Variants in MYO1A observed in about 807,000 individuals in gnomAD.
The protein encoded by MYO1A is myosin IA.
A neutral mutation model predicts 138.5 loss-of-function variants in MYO1A; 127 were observed. That is an observed-to-expected ratio of 0.92 (90% confidence interval 0.79 to 1.06). The LOEUF is 1.06. Among genes scored for constraint, MYO1A ranks in the 50% least tolerant of loss-of-function variants. The pLI, the probability that MYO1A is intolerant of heterozygous loss-of-function variation, is 0.00. For synonymous variants in MYO1A, 477 were observed against 497.5 expected, an observed-to-expected ratio of 0.96 and a Z score of 0.55; for missense variants, 1,211 against 1,288.8, an observed-to-expected ratio of 0.94 and a Z score of 0.92.
chr12:57,043,861 C>T lies in MYO1A; in HGVS notation c.887G>A (p.Gly296Glu). The part of the protein sequence containing the change: ...SGIPASGIRD[G>E]RGVREIGEMV... ...CAGCAGGCTGGGATGCAGACCTCTC[C>T]CATCACGGATGCCACTTGCTGGTAT... Residue 296 changes from glycine (G) to glutamate (E), a missense_variant, in exon 10 of 28, where the codon GGG becomes GAG. Coordinates refer to ENST00000300119, the MANE Select transcript of MYO1A (RefSeq NM_005379.4). The T allele has an allele frequency of 1.9e-6, 3 of 1,614,064 alleles. No individual in the cohort carries two copies. In the African/African-American group the frequency reaches 4.0e-5, roughly 22 times the overall value.
In MYO1A at chr12:57,044,005, T is replaced by C. The variant is rs760003931; in HGVS notation, c.745-2A>G. The C allele has an allele frequency of 1.2e-6, 2 of 1,614,058 alleles. No individual in the cohort carries two copies. Among genetic ancestry groups the C allele is most frequent in the Admixed American group, 1.7e-5 (1 of 60,008 alleles). ...GAACCCAATCACTGCCATTGCACTC[T>C]TAGGCAGAAAGCAGAAATCAAAAGC... On this transcript the variant is annotated splice_acceptor_variant, in intron 9 of 27. Transcript: ENST00000300119. LOFTEE classifies it high-confidence loss of function.
intron 14 of MYO1A, 77 bp from the exon 15 acceptor site, chr12:57,039,351 C>T: frequency 9.1e-7 from 1 of 1,103,616 alleles, no homozygotes; most frequent in Non-Finnish European, 1.4e-6. Context: ...TCTAGCCTTT[C>T]ACCCACCCAA....
At chr12:57,039,721 C>T (rs1024745121) in intron 14 of MYO1A, among the ~76,000 whole-genome samples, 2 of 152,212 alleles carry the variant, frequency 1.3e-5, no homozygotes, top group Admixed American at 6.5e-5. Flanking sequence ...CAAAGATCTA[C>T]ATCAGTGATT....
Position 57,038,485 on chromosome 12 carries a change from C to G in MYO1A, c.1687G>C (p.Ala563Pro). The G allele has an allele frequency of 6.2e-7, 1 of 1,614,206 alleles. No homozygotes were observed. Among genetic ancestry groups the G allele is most frequent in the Non-Finnish European group, 8.5e-7 (1 of 1,180,038 alleles). ...ACAGAACTCTTGAACTGGGCCCCAG[C>G]AGTCGGGGGGCGTTTGAGAGATGCC... is the stretch of plus-strand genomic sequence containing the variant. ...KQASLKRPPTAGAQFKSSVAI... is the reference protein window; with the variant it reads ...KQASLKRPPTPGAQFKSSVAI... The change falls in exon 17 of 28, where the codon GCT becomes CCT. Residue 563 changes from alanine (A) to proline (P), a missense_variant. Ala to Pro is a conservative substitution (Grantham distance 27). Transcript: ENST00000300119.
Position 57,048,044 on chromosome 12 carries a change from G to A in MYO1A, c.175C>T (p.Pro59Ser). ...TCTTGATATTTGGCAATGAACTCTG[G>A]CCCATAGATGGGAAGCTGTTGATAG... ...NPYQQLPIYG[P>S]EFIAKYQDYT... Residue 59 changes from proline (P) to serine (S), a missense_variant, in exon 3 of 28, where the codon CCA becomes TCA. Physicochemically the swap from Pro to Ser is moderately conservative, Grantham distance 74 (BLOSUM62 -1). Coordinates refer to ENST00000300119, the MANE Select transcript of MYO1A (RefSeq NM_005379.4). The A allele has an allele frequency of 3.1e-6, 5 of 1,614,198 alleles. No homozygotes were observed. Among genetic ancestry groups the A allele is most frequent in the Non-Finnish European group, 4.2e-6 (5 of 1,180,020 alleles).
chr12:57,047,156 G>A (rs1025316018), intron 5 of MYO1A, 49 bp from the exon 6 acceptor site: 3 of 1,608,606 alleles, frequency 1.9e-6, no homozygotes, highest in Non-Finnish European at 2.6e-6. Flanking sequence ...AGGGAAAGGA[G>A]GAAGGGCTTC....
At chr12:57,035,103 G>A (rs1024243730) in intron 22 of MYO1A, among the ~76,000 whole-genome samples, 2 of 152,204 alleles carry the variant, frequency 1.3e-5, no homozygotes, top group African/African-American at 2.4e-5. Flanking sequence ...AGGCTTCTGT[G>A]GGGGTGTGAT....
Position 57,028,823 on chromosome 12 carries a change from C to A in MYO1A, c.3064G>T (p.Gly1022Cys). The A allele has an allele frequency of 6.2e-7, 1 of 1,614,116 alleles. No individual in the cohort carries two copies. The highest frequency in any genetic ancestry group is 8.5e-7 in the Non-Finnish European group (1 of 1,180,012). Residue 1022 changes from glycine to cysteine, a missense_variant, in exon 28 of 28, where the codon GGT (glycine) becomes TGT (cysteine). Gly to Cys is a radical substitution (Grantham distance 159). Transcript: ENST00000300119. ...VAVKVVQGPAGGDNSKLRYKK... is the reference protein window; with the variant it reads ...VAVKVVQGPACGDNSKLRYKK... ...TAGCGTAGCTTGCTGTTGTCACCAC[C>A]TGCAGGGCCCTGGACGACCTTGACA...
Position 57,036,992 on chromosome 12 carries a change from G to C in MYO1A, c.2155C>G (p.Leu719Val), listed in dbSNP as rs766166841. Reference sequence around the variant, plus strand: ...ATGAGGATCTGACTCTTTCGCATCAGTTGGTAGTGGGTGCGGCAGCGCCAG... The same window carrying C: ...ATGAGGATCTGACTCTTTCGCATCACTTGGTAGTGGGTGCGGCAGCGCCAG... ...RGWRCRTHYQ[L>V]MRKSQILISS... The change falls in exon 20 of 28, where the codon CTG becomes GTG. Residue 719 changes from leucine (L) to valine (V), a missense_variant. Leu to Val is a conservative substitution (Grantham distance 32). Transcript: ENST00000300119. The C allele has an allele frequency of 6.2e-7, 1 of 1,614,226 alleles. No homozygotes were observed. Among genetic ancestry groups the C allele is most frequent in the African/African-American group, 1.3e-5 (1 of 75,058 alleles).
intron 1 of MYO1A, among the ~76,000 whole-genome samples, chr12:57,048,727 A>G (rs1174720984): frequency 6.6e-6 from 1 of 152,174 alleles, no homozygotes; most frequent in Non-Finnish European, 1.5e-5. Context: ...CGCCAGGTAC[A>G]GAAAGCCCTC....
Position 57,028,788 on chromosome 12 carries a change from C to CT in MYO1A, c.3098dup (p.Ser1035GlufsTer24), listed in dbSNP as rs748756029. On this transcript the variant is annotated frameshift_variant, in exon 28 of 28. Transcript: ENST00000300119. LOFTEE classifies it high-confidence loss of function. ...CAGTCACCTCCAAGCAATGACTCCC[C>CT]TTTTTTTTGTAGCGTAGCTTGCTGT... 14 of 1,613,074 alleles carry CT rather than the reference C, an allele frequency of 8.7e-6. No individual in the cohort carries two copies. Among genetic ancestry groups the CT allele is most frequent in the South Asian group, 2.2e-5 (2 of 91,044 alleles).
In MYO1A at chr12:57,042,544, A is replaced by C. The variant is rs188001241; in HGVS notation, c.1098+528T>G. On this transcript the variant is annotated intron_variant, in intron 12 of 27. Transcript: ENST00000300119. ...GTATCATATGGTAACTATTTACATA[A>C]TTTATCTGATCCTTATTAAACCCTG... Among the ~76,000 whole-genome samples, 477 of 152,318 alleles carry C rather than the reference A, an allele frequency of 3.1e-3. 4 individuals carry two copies. The highest frequency in any genetic ancestry group is 0.011 in the African/African-American group (444 of 41,566).
chr12:57,047,792 G>A, intron 3 of MYO1A, 71 bp from the exon 4 acceptor site: 1 of 1,593,250 alleles, frequency 6.3e-7, no homozygotes, highest in Non-Finnish European at 8.6e-7. Context: ...TCAATCTCCA[G>A]CACGCAGGTT....
intron 22 of MYO1A, among the ~76,000 whole-genome samples, chr12:57,031,901 G>A (rs1018950924): frequency 1.3e-5 from 2 of 152,190 alleles, no homozygotes; most frequent in Non-Finnish European, 2.9e-5. Context: ...CCTTTCCCAG[G>A]GTTTCACTGG....
intron 2 of MYO1A, 33 bp from the exon 3 acceptor site, chr12:57,048,137 T>A (rs961528318): frequency 3.1e-6 from 5 of 1,607,096 alleles, no homozygotes; most frequent in Non-Finnish European, 4.3e-6. Context: ...GGGAATGAGC[T>A]TGAGGGTGAG....
chr12:57,048,837 C>T (rs1427238305), intron 1 of MYO1A, among the ~76,000 whole-genome samples: 1 of 152,214 alleles, frequency 6.6e-6, no homozygotes, highest in Non-Finnish European at 1.5e-5. Context: ...TAAAGACACC[C>T]AACCTACCCA....
intron 15 of MYO1A, 61 bp downstream of exon 15, chr12:57,039,151 G>C: frequency 6.3e-7 from 1 of 1,577,070 alleles, no homozygotes; most frequent in East Asian, 2.2e-5. Flanking sequence ...AGAGAGACAG[G>C]GGAAGGATGT....
chr12:57,045,444 G>T (rs1018743685), intron 8 of MYO1A, among the ~76,000 whole-genome samples: 15 of 152,168 alleles, frequency 9.9e-5, no homozygotes, highest in African/African-American at 3.6e-4. Context: ...GTCTGGGGAT[G>T]ATGATACCTG....
At chr12:57,050,989 T>C (rs1592487933), upstream of MYO1A, among the ~76,000 whole-genome samples, 2 of 152,146 alleles carry the variant, frequency 1.3e-5, no homozygotes, top group African/African-American at 4.8e-5. Context: ...GGATACTGAG[T>C]AAGACCCTGA....
Sources: allele counts gnomAD v4.1 joint callset (sites outside exome capture counted in the v4.1 genomes callset), GRCh38; gene constraint gnomAD v4.1.1; transcripts MANE v1.5; gene names NCBI Gene and HGNC (gene_info 2026-07-23, HGNC 2026-07-21).